Variants in EXOSC8 observed in about 807,000 individuals in gnomAD.
The protein encoded by EXOSC8 is exosome component 8.
EXOSC8 carries 37 observed loss-of-function variants against 39.9 expected under a neutral mutation model. The observed-to-expected ratio is 0.93, with a 90% CI of 0.71 to 1.22. EXOSC8 has a LOEUF of 1.22. Ranked by LOEUF, EXOSC8 falls within the 50% of genes most tolerant of loss-of-function variation. The pLI is 0.00. For synonymous variants in EXOSC8, 93 were observed against 109.5 expected (o/e 0.85, Z 0.94); for missense variants, 313 against 326.6 (o/e 0.96, Z 0.32).
intron 3 of EXOSC8, 41 bp from the exon 4 acceptor site, chr13:37,002,893 G>A (rs2059115820): frequency 1.5e-6 from 2 of 1,351,624 alleles, no homozygotes; most frequent in South Asian, 1.2e-5. Flanking sequence ...TTTTGTAGCT[G>A]TTTTCCTTTT....
chr13:37,008,211 T>C (rs2059164276), intron 9 of EXOSC8, 34 bp downstream of exon 9: 2 of 1,540,570 alleles, frequency 1.3e-6, no homozygotes, highest in Admixed American at 1.8e-5. Context: ...AAATTTTCTA[T>C]ATTTAAGATT....
intron 8 of EXOSC8, among the ~76,000 whole-genome samples, chr13:37,007,571 A>G (rs992086658): frequency 9.9e-5 from 15 of 152,220 alleles, no homozygotes; most frequent in African/African-American, 3.4e-4. Flanking sequence ...TGGAGGTGGA[A>G]TATAAAGTTA....
Position 37,005,004 on chromosome 13 carries a change from T to G in EXOSC8, c.238+443T>G, listed in dbSNP as rs2059128908. On this transcript the variant is annotated intron_variant, in intron 5 of 10. Coordinates refer to ENST00000389704, the MANE Select transcript of EXOSC8 (RefSeq NM_181503.3). ...CAGTGCACACCTGTGTCCCAGCTAC[T>G]TGGGAGGCTGAAGCAGGAGGATTGC... 1.3e-5 allele frequency among the ~76,000 whole-genome samples: 2 copies of G among 152,150 alleles called. 1 individual carries two copies. Among genetic ancestry groups the G allele is most frequent in the South Asian group, 4.1e-4 (2 of 4,828 alleles).
At chr13:37,008,019 T>C (rs764640325) in intron 8 of EXOSC8, 38 bp from the exon 9 acceptor site, 2 of 1,471,764 alleles carry the variant, frequency 1.4e-6, no homozygotes, top group Admixed American at 4.1e-5. Context: ...ATTTGTTTCT[T>C]AGAGACTTAC....
chr13:37,005,290 T>TCC (rs2059130913), intron 5 of EXOSC8, among the ~76,000 whole-genome samples: 1 of 152,314 alleles, frequency 6.6e-6, no homozygotes, highest in African/African-American at 2.4e-5. Context: ...AGTTGGATGT[T>TCC]AGCAGAGGGG....
At chr13:37,000,905 C>G (rs2059095800) in intron 1 of EXOSC8, 83 bp downstream of exon 1, 2 of 1,413,144 alleles carry the variant, frequency 1.4e-6, no homozygotes. Flanking sequence ...ATTCTCTCAC[C>G]TGGAGGCCGA....
chr13:37,001,219 G>C (rs2138842265), intron 1 of EXOSC8, among the ~76,000 whole-genome samples: 1 of 152,296 alleles, frequency 6.6e-6, no homozygotes, highest in South Asian at 2.1e-4. Flanking sequence ...GACCAGCCTG[G>C]TGTACATGGT....
chr13:37,007,100 T>G, intron 8 of EXOSC8, 29 bp downstream of exon 8: 1 of 1,330,108 alleles, frequency 7.5e-7, no homozygotes, highest in Non-Finnish European at 1.1e-6. Flanking sequence ...AAGGCAATAT[T>G]CCCACTCATG....
rs751581987 is a variant in EXOSC8, at chr13:37,003,286, G to T, written c.192+279G>T. On this transcript the variant is annotated intron_variant, in intron 4 of 10. Transcript: ENST00000389704. ...TCATTTGAGACATTAACAGATTTTT[G>T]GTGACATCCTTTTAGCCAGTGATGA... 8.4e-6 allele frequency: 3 copies of T among 357,938 alleles called. No individual in the cohort carries two copies. The East Asian group carries it at 1.8e-4, about 21-fold the overall frequency. 22.2% of individuals were successfully genotyped at this position (357,938 alleles called of 1,614,324 possible). A position where few individuals can be genotyped will look rare whatever the true frequency, so the allele number is the denominator to read the frequency against.
chr13:37,005,950 C>G lies in EXOSC8; in HGVS notation c.269C>G (p.Ser90Ter), dbSNP rs749829526. 4 of 1,596,886 alleles carry G rather than the reference C, an allele frequency of 2.5e-6. No individual in the cohort carries two copies. Among genetic ancestry groups the G allele is most frequent in the Non-Finnish European group, 3.4e-6 (4 of 1,168,952 alleles). ...AATGTGGATCTACCACCCCTGTGTT[C>G]ATCGAGATTCCGGTCTGGACCTCCT... ...VPNVDLPPLCSSRFRSGPPGE... is the reference protein window; with the variant it reads ...VPNVDLPPLC The change falls in exon 6 of 11, where the codon TCA becomes TGA. Residue 90 changes from serine to a stop codon, truncating the protein, a stop_gained. Transcript: ENST00000389704. LOFTEE classifies it high-confidence loss of function.
chr13:37,003,030 G>T, intron 4 of EXOSC8, 23 bp downstream of exon 4: 1 of 1,369,872 alleles, frequency 7.3e-7, no homozygotes, highest in Non-Finnish European at 1.0e-6. Context: ...ATGTCCTATT[G>T]AGATTTGAGT....
chr13:37,006,210 T>G lies in EXOSC8; in HGVS notation c.390+50T>G, dbSNP rs201838556. ...GTTCTTATTAATTCTGAAGGGATTT[T>G]TTTTTTGTGGGGGAAAGTGAACAAG... On this transcript the variant is annotated intron_variant, in intron 7 of 10. Coordinates refer to ENST00000389704, the MANE Select transcript of EXOSC8 (RefSeq NM_181503.3). 1.0e-4 allele frequency: 135 copies of G among 1,331,558 alleles called. 1 individual carries two copies. In the East Asian group the frequency reaches 3.1e-3, roughly 30 times the overall value. 82.5% of individuals were successfully genotyped at this position (1,331,558 alleles called of 1,614,324 possible).
At position 37,006,028 on chromosome 13, in the gene EXOSC8, A is replaced by C. The variant is rs755534135; in HGVS notation, c.344+3A>C. The C allele has an allele frequency of 8.8e-6, 14 of 1,595,284 alleles. No individual in the cohort carries two copies. The South Asian group carries it at 1.6e-4, about 18-fold the overall frequency. The stretch of plus-strand genomic sequence containing the variant: ...TTCATTGCAGATGTCATTGAAAAGT[A>C]AGAGCACCATGATAAAATTTTATTA... On this transcript the variant is annotated splice_donor_region_variant and intron_variant, in intron 6 of 10. Coordinates refer to ENST00000389704, the MANE Select transcript of EXOSC8 (RefSeq NM_181503.3).
chr13:37,007,444 A>G (rs1422227686), intron 8 of EXOSC8, among the ~76,000 whole-genome samples: 1 of 152,244 alleles, frequency 6.6e-6, no homozygotes, highest in African/African-American at 2.4e-5. Flanking sequence ...CTGTGAGGCC[A>G]TAGTAATAGG....
At position 37,002,298 on chromosome 13, in the gene EXOSC8, A is replaced by G; in HGVS notation, c.43A>G (p.Arg15Gly). ...FKTVEPLEYYRRFLKENCRPD... is the reference protein window; with the variant it reads ...FKTVEPLEYYGRFLKENCRPD... Reference sequence around the variant, plus strand: ...AACCGTGGAACCTCTGGAGTATTACAGGAGATTTCTGGTGAGTAAAGGTTA... The same window carrying G: ...AACCGTGGAACCTCTGGAGTATTACGGGAGATTTCTGGTGAGTAAAGGTTA... Residue 15 changes from arginine to glycine, a missense_variant, in exon 2 of 11, where the codon AGG becomes GGG. Physicochemically the swap from Arg to Gly is moderately radical, Grantham distance 125. Coordinates refer to ENST00000389704, the MANE Select transcript of EXOSC8 (RefSeq NM_181503.3). The G allele has an allele frequency of 1.2e-6, 2 of 1,609,242 alleles. No homozygotes were observed. Among genetic ancestry groups the G allele is most frequent in the Non-Finnish European group, 1.7e-6 (2 of 1,175,950 alleles).
chr13:37,006,199 T>C, intron 7 of EXOSC8, 39 bp downstream of exon 7: 1 of 1,454,870 alleles, frequency 6.9e-7, no homozygotes, highest in Non-Finnish European at 9.4e-7. Flanking sequence ...TTATTAATTC[T>C]GAAGGGATTT....
chr13:37,008,195 ACTTT>A lies in EXOSC8; in HGVS notation c.608+19_608+22del, dbSNP rs759626150. 359 of 1,585,636 alleles carry A rather than the reference ACTTT, an allele frequency of 2.3e-4. No homozygotes were observed. The highest frequency in any genetic ancestry group is 3.0e-4 in the Non-Finnish European group (350 of 1,163,886). On this transcript the variant is annotated intron_variant, in intron 9 of 10. Transcript: ENST00000389704. ...TTTGATGAGTAAGTTAATCAAACTT[ACTTT>A]AAAATTTTCTATATTTAAGATTAGG...
rs780943677 is a variant in EXOSC8 at position 37,007,017 on chromosome 13, G to A, written c.433G>A (p.Asp145Asn). ...CTGTGATCTCATTTGCCTCGACTAC[G>A]ATGGAAACATTTTGGATGCCTGCAC... Reference protein sequence around the residue: ...LYCDLICLDYDGNILDACTFA... With the variant: ...LYCDLICLDYNGNILDACTFA... The change falls in exon 8 of 11, where the codon GAT (aspartate) becomes AAT (asparagine). Residue 145 changes from aspartate to asparagine, a missense_variant. By Grantham distance (23) the Asp-to-Asn change is conservative. Coordinates refer to ENST00000389704, the MANE Select transcript of EXOSC8 (RefSeq NM_181503.3). The A allele has an allele frequency of 4.3e-5, 70 of 1,613,488 alleles. No homozygotes were observed. The highest frequency in any genetic ancestry group is 5.6e-5 in the Non-Finnish European group (66 of 1,179,540).
chr13:37,003,259 T>C (rs759697732), intron 4 of EXOSC8: 4 of 420,660 alleles, frequency 9.5e-6, no homozygotes, highest in Non-Finnish European at 1.7e-5. Flanking sequence ...AAAATTGTTA[T>C]ATCATTTGAG....
Sources: allele counts gnomAD v4.1 joint callset (sites outside exome capture counted in the v4.1 genomes callset), GRCh38; gene constraint gnomAD v4.1.1; transcripts MANE v1.5; gene names NCBI Gene and HGNC (gene_info 2026-07-23, HGNC 2026-07-21).